Variants in NPSR1 observed in about 807,000 individuals in gnomAD.
NPSR1 encodes the protein neuropeptide S receptor 1.
A neutral mutation model predicts 46.9 loss-of-function variants in NPSR1; 48 were observed. That is an observed-to-expected ratio of 1.02 (90% CI 0.81 to 1.30). The LOEUF (loss-of-function observed/expected upper bound fraction) is 1.30. Among genes scored for constraint, NPSR1 ranks in the 50% most tolerant of loss-of-function variants. The probability of loss-of-function intolerance (pLI) is 0.00; values close to 1 mark genes in which losing one functional copy is unlikely to be tolerated. For synonymous variants in NPSR1, 176 were observed against 168.1 expected (o/e 1.05, Z -0.36); for missense variants, 450 against 449.5 (o/e 1.00, Z -0.01).
intron 2 of NPSR1, among the ~76,000 whole-genome samples, chr7:34,718,337 C>G (rs1037404528): frequency 5.9e-5 from 9 of 152,122 alleles, no homozygotes; most frequent in African/African-American, 2.2e-4. Context: ...CATGATGCCA[C>G]CTCTAGAAAA....
At chr7:34,778,769 C>T (rs1294677116) in intron 3 of NPSR1, among the ~76,000 whole-genome samples, 1 of 152,038 alleles carries the variant, frequency 6.6e-6, no homozygotes, top group African/African-American at 2.4e-5. Flanking sequence ...ACAAACGAGC[C>T]ACAAATGAGC....
chr7:34,791,115 A>ATATTATATATAATATGTT (rs1562730968), intron 3 of NPSR1, among the ~76,000 whole-genome samples: 1 of 62,238 alleles, frequency 1.6e-5, no homozygotes, highest in Non-Finnish European at 3.2e-5. Flanking sequence ...TATGTTATAT[A>ATATTATATATAATATGTT]ATATAATATA....
chr7:34,824,924 G>T (rs1290950716), intron 4 of NPSR1, among the ~76,000 whole-genome samples: 5 of 151,676 alleles, frequency 3.3e-5, no homozygotes, highest in Non-Finnish European at 7.4e-5. Context: ...ATCCCACCCT[G>T]CTTCTTTCTT....
chr7:34,712,028 T>C (rs1478470708), intron 2 of NPSR1, among the ~76,000 whole-genome samples: 1 of 152,260 alleles, frequency 6.6e-6, no homozygotes, highest in African/African-American at 2.4e-5. Flanking sequence ...TCATATGATC[T>C]GATCTCTATT....
chr7:34,710,243 A>C (rs1208084177), intron 2 of NPSR1, among the ~76,000 whole-genome samples: 1 of 152,232 alleles, frequency 6.6e-6, no homozygotes, highest in Non-Finnish European at 1.5e-5. Context: ...GTAGGTTTGT[A>C]GAGGATGAGT....
chr7:34,687,532 A>AG (rs71551067), intron 2 of NPSR1, among the ~76,000 whole-genome samples: 1 of 152,190 alleles, frequency 6.6e-6, no homozygotes, highest in East Asian at 1.9e-4. Flanking sequence ...GAGGGCAAGC[A>AG]GGGGGAATGC....
intron 5 of NPSR1, chr7:34,834,161 C>A: frequency 1.8e-6 from 1 of 552,390 alleles, no homozygotes; most frequent in Non-Finnish European, 3.2e-6. Context: ...ATAACTTTAC[C>A]AGGTCTTAGC....
At chr7:34,689,526 C>T (rs1373758898) in intron 2 of NPSR1, among the ~76,000 whole-genome samples, 1 of 134,718 alleles carries the variant, frequency 7.4e-6, no homozygotes, top group East Asian at 2.4e-4. Context: ...AATGGCATGA[C>T]CCCAGGAGGT....
At chr7:34,743,697 A>G (rs572084103) in intron 2 of NPSR1, among the ~76,000 whole-genome samples, 2 of 152,178 alleles carry the variant, frequency 1.3e-5, no homozygotes, top group East Asian at 3.9e-4. Context: ...TGAAGATTAG[A>G]TCATGTGTTA....
chr7:34,786,741 C>G (rs1433796972), intron 3 of NPSR1, among the ~76,000 whole-genome samples: 1 of 152,084 alleles, frequency 6.6e-6, no homozygotes, highest in Non-Finnish European at 1.5e-5. Context: ...TCATCGTCAT[C>G]AAAGCTCTTG....
chr7:34,861,340 G>T (rs1433152960), intron 8 of NPSR1, among the ~76,000 whole-genome samples: 1 of 151,836 alleles, frequency 6.6e-6, no homozygotes, highest in African/African-American at 2.4e-5. Context: ...GTTTCCCTCA[G>T]ATATCTGCTT....
intron 2 of NPSR1, among the ~76,000 whole-genome samples, chr7:34,731,335 G>GT (rs938313967): frequency 2.4e-4 from 36 of 152,214 alleles, no homozygotes; most frequent in African/African-American, 8.4e-4. Flanking sequence ...TGTTTTAAAT[G>GT]TTTAATTTTG....
chr7:34,827,141 G>T (rs1789893607), intron 4 of NPSR1, among the ~76,000 whole-genome samples: 1 of 152,182 alleles, frequency 6.6e-6, no homozygotes, highest in South Asian at 2.1e-4. Context: ...CAAGTCAGAT[G>T]GGTAAATCAG....
intron 2 of NPSR1, among the ~76,000 whole-genome samples, chr7:34,734,563 G>T: frequency 6.6e-6 from 1 of 152,062 alleles, no homozygotes; most frequent in South Asian, 2.1e-4. Flanking sequence ...ACTGGGAGTG[G>T]CAATCAGCAA....
chr7:34,661,393 T>C (rs1419794), intron 1 of NPSR1, among the ~76,000 whole-genome samples: 42,853 of 152,042 alleles, frequency 0.28, 7,653 homozygotes, highest in African/African-American at 0.51. Flanking sequence ...CCATCTCTAT[T>C]GCATGGCAGC....
rs189094176 is a variant in NPSR1 at position 34,788,812 on chromosome 7, T to C, written c.384+10247T>C. Among the ~76,000 whole-genome samples the C allele has an allele frequency of 1.8e-4, 27 of 152,192 alleles. No homozygotes were observed. In the East Asian group the frequency reaches 5.2e-3, roughly 29 times the overall value. The stretch of plus-strand genomic sequence containing the variant: ...TACACTTTAGACCAAATGGACCTAA[T>C]AGACACATATAGAACATTTCACCTA... On this transcript the variant is annotated intron_variant, in intron 3 of 8. Coordinates refer to ENST00000360581, the MANE Select transcript of NPSR1 (RefSeq NM_207172.2).
intron 8 of NPSR1, among the ~76,000 whole-genome samples, chr7:34,863,337 A>T (rs1316402359): frequency 6.6e-6 from 1 of 151,890 alleles, no homozygotes; most frequent in Non-Finnish European, 1.5e-5. Context: ...CTTTATGACT[A>T]AAACACCAAA....
At chr7:34,836,841 G>A (rs1008399118) in intron 6 of NPSR1, among the ~76,000 whole-genome samples, 1 of 152,074 alleles carries the variant, frequency 6.6e-6, no homozygotes, top group African/African-American at 2.4e-5. Context: ...CCTACAATGA[G>A]GGAACTGAGC....
At chr7:34,663,061 C>CTCTCTCTCTCTCTCTCTCTCTCTA (rs1562634670) in intron 1 of NPSR1, among the ~76,000 whole-genome samples, 1 of 94,046 alleles carries the variant, frequency 1.1e-5, no homozygotes, top group African/African-American at 7.2e-5. Flanking sequence ...CTCTCTCTCT[C>CTCTCTCTCTCTCTCTCTCTCTCTA]TCTCTCTGTG....
Sources: gnomAD v4.1 joint callset for allele counts (sites outside exome capture counted in the v4.1 genomes callset) on GRCh38, gnomAD v4.1.1 for gene constraint, MANE v1.5 for transcripts, NCBI Gene and HGNC (gene_info 2026-07-23, HGNC 2026-07-21) for gene names.